Variants in ATRNL1 observed in about 807,000 individuals in gnomAD.
The protein encoded by ATRNL1 is attractin-like protein 1.
Under a neutral mutation model 182.7 loss-of-function variants are expected in ATRNL1, and 95 were observed. The observed-to-expected ratio is 0.52, with a 90% CI of 0.44 to 0.62. The LOEUF is 0.62. Ranked by LOEUF, ATRNL1 falls within the 20% of genes least tolerant of loss-of-function variation. ATRNL1 has a pLI of 0.00. For synonymous variants in ATRNL1, 576 were observed against 568.3 expected, an observed-to-expected ratio of 1.01 and a Z score of -0.19; for missense variants, 1,471 against 1,679.5, an observed-to-expected ratio of 0.88 and a Z score of 2.17.
intron 20 of ATRNL1, among the ~76,000 whole-genome samples, chr10:115,417,166 G>T (rs1164322513): frequency 1.3e-5 from 2 of 152,206 alleles, no homozygotes; most frequent in Non-Finnish European, 2.9e-5. Flanking sequence ...TTTGACTACA[G>T]CCCTGTTTGG....
At chr10:115,789,332 T>C (rs1463788242) in intron 27 of ATRNL1, among the ~76,000 whole-genome samples, 2 of 152,136 alleles carry the variant, frequency 1.3e-5, no homozygotes, top group Non-Finnish European at 2.9e-5. Context: ...ATAAAACTTG[T>C]TGAGAAAGTT....
At chr10:115,677,473 C>A (rs995022496) in intron 26 of ATRNL1, among the ~76,000 whole-genome samples, 2 of 151,912 alleles carry the variant, frequency 1.3e-5, no homozygotes, top group African/African-American at 4.8e-5. Flanking sequence ...TGGGAGGGAC[C>A]CAGGGGGAGG....
intron 26 of ATRNL1, among the ~76,000 whole-genome samples, chr10:115,649,540 A>C (rs543257586): frequency 6.7e-4 from 102 of 152,254 alleles, no homozygotes; most frequent in Admixed American, 2.0e-3. Context: ...CACATCTGGG[A>C]AATAAGTTTG....
intron 27 of ATRNL1, among the ~76,000 whole-genome samples, chr10:115,763,246 T>C (rs1392181984): frequency 6.6e-6 from 1 of 152,206 alleles, no homozygotes; most frequent in Non-Finnish European, 1.5e-5. Flanking sequence ...CCAAGATCTA[T>C]GTTAAATCTG....
intron 19 of ATRNL1, among the ~76,000 whole-genome samples, chr10:115,349,445 A>G (rs1456382453): frequency 6.6e-6 from 1 of 152,222 alleles, no homozygotes. Context: ...TTTCTTTGAT[A>G]TACTGATTTT....
chr10:115,167,121 G>A (rs1370799165), intron 7 of ATRNL1, among the ~76,000 whole-genome samples: 1 of 151,854 alleles, frequency 6.6e-6, no homozygotes, highest in African/African-American at 2.4e-5. Flanking sequence ...TGGATAGCCA[G>A]TTTCCCCAAC....
At chr10:115,325,187 T>A (rs2134044255) in intron 18 of ATRNL1, among the ~76,000 whole-genome samples, 1 of 152,316 alleles carries the variant, frequency 6.6e-6, no homozygotes, top group South Asian at 2.1e-4. Context: ...AGGAGCCATC[T>A]GGAGTGGTTT....
At chr10:115,717,967 G>A (rs1947309111) in intron 26 of ATRNL1, among the ~76,000 whole-genome samples, 1 of 152,096 alleles carries the variant, frequency 6.6e-6, no homozygotes, top group South Asian at 2.1e-4. Context: ...TTCTGATAAT[G>A]AGTTGTATCA....
intron 21 of ATRNL1, among the ~76,000 whole-genome samples, chr10:115,429,037 C>T (rs1846029576): frequency 6.6e-6 from 1 of 152,004 alleles, no homozygotes; most frequent in Non-Finnish European, 1.5e-5. Context: ...CATAGACATT[C>T]TAGAGTGTGT....
At chr10:115,273,194 T>C (rs1486900581) in intron 13 of ATRNL1, among the ~76,000 whole-genome samples, 1 of 152,184 alleles carries the variant, frequency 6.6e-6, no homozygotes, top group Admixed American at 6.5e-5. Context: ...TCCATTTTGC[T>C]GAGCCCATGC....
At chr10:115,781,442 C>G (rs1029247890) in intron 27 of ATRNL1, among the ~76,000 whole-genome samples, 2 of 152,114 alleles carry the variant, frequency 1.3e-5, no homozygotes, top group African/African-American at 2.4e-5. Context: ...AAAAGTCAAT[C>G]AAGATTAAGA....
At chr10:115,554,522 T>C (rs782799428) in intron 26 of ATRNL1, among the ~76,000 whole-genome samples, 39 of 151,714 alleles carry the variant, frequency 2.6e-4, no homozygotes, top group South Asian at 1.0e-3. Flanking sequence ...TCTTGCTATA[T>C]TATAGACAAA....
chr10:115,319,479 T>A (rs1359459745), intron 18 of ATRNL1, among the ~76,000 whole-genome samples: 12 of 152,178 alleles, frequency 7.9e-5, no homozygotes, highest in Non-Finnish European at 1.3e-4. Context: ...ATATTGACAG[T>A]GGGGTGTTAA....
intron 26 of ATRNL1, among the ~76,000 whole-genome samples, chr10:115,630,841 C>CACACACACAG (rs1485178352): frequency 1.5e-5 from 2 of 132,660 alleles, no homozygotes; most frequent in African/African-American, 7.0e-5. Context: ...CACACACACA[C>CACACACACAG]ACACACACAC....
At chr10:115,459,012 AT>A (rs1191893788) in intron 21 of ATRNL1, among the ~76,000 whole-genome samples, 1 of 152,098 alleles carries the variant, frequency 6.6e-6, no homozygotes, top group Non-Finnish European at 1.5e-5. Flanking sequence ...TACTTTTGTA[AT>A]TTCTTATGCC....
chr10:115,496,734 G>A (rs1396082868), intron 24 of ATRNL1, among the ~76,000 whole-genome samples: 3 of 152,234 alleles, frequency 2.0e-5, no homozygotes, highest in East Asian at 1.9e-4. Context: ...AGTCTGTTCT[G>A]GCTTATAAGG....
intron 5 of ATRNL1, among the ~76,000 whole-genome samples, chr10:115,131,498 G>C (rs1564759667): frequency 6.6e-6 from 1 of 152,092 alleles, no homozygotes; most frequent in Non-Finnish European, 1.5e-5. Context: ...AGGAAGCATA[G>C]CTCCAAAGAA....
intron 27 of ATRNL1, among the ~76,000 whole-genome samples, chr10:115,728,833 A>G (rs1427053760): frequency 6.6e-6 from 1 of 152,224 alleles, no homozygotes; most frequent in Non-Finnish European, 1.5e-5. Context: ...TGTTGGGGAA[A>G]AAATAACAAA....
At chr10:115,456,396 A>G (rs575320372) in intron 21 of ATRNL1, among the ~76,000 whole-genome samples, 1 of 152,254 alleles carries the variant, frequency 6.6e-6, no homozygotes, top group East Asian at 1.9e-4. Flanking sequence ...AGAAAACCAA[A>G]CACCGCATGT....
Sources: allele counts gnomAD v4.1 joint callset (sites outside exome capture counted in the v4.1 genomes callset), GRCh38; gene constraint gnomAD v4.1.1; transcripts MANE v1.5; gene names NCBI Gene and HGNC (gene_info 2026-07-23, HGNC 2026-07-21).